The following SENP5 variants were observed in gnomAD, a reference collection of about 807,000 sequenced individuals.
The protein encoded by SENP5 is SUMO specific peptidase 5, also known as sentrin-specific protease 5.
In SENP5, 21 loss-of-function variants were observed where a neutral mutation model predicts 74.2. The ratio of observed to expected loss-of-function variants is 0.28; its 90% CI spans 0.20 to 0.41. SENP5 has a LOEUF of 0.41. Ranked by LOEUF, SENP5 falls within the 10% of genes least tolerant of loss-of-function variation. The pLI is 1.00. For missense variants in SENP5, 717 were observed against 889.1 expected (o/e 0.81, Z 2.46); for synonymous variants, 311 against 312.7 (o/e 0.99, Z 0.06).
chr3:196,893,799 A>C (rs1051690890), intron 2 of SENP5, among the ~76,000 whole-genome samples: 10 of 151,868 alleles, frequency 6.6e-5, no homozygotes, highest in Non-Finnish European at 1.2e-4. Context: ...AGTCCCAGCT[A>C]CTTGGGAGGC....
intron 1 of SENP5, among the ~76,000 whole-genome samples, chr3:196,882,723 C>T (rs1356647316): frequency 5.3e-5 from 8 of 152,128 alleles, no homozygotes; most frequent in Admixed American, 3.9e-4. Flanking sequence ...AGGCTGGTCT[C>T]GAACTCCTGA....
chr3:196,888,351 G>T (rs1162081424), intron 2 of SENP5, among the ~76,000 whole-genome samples: 1 of 152,164 alleles, frequency 6.6e-6, no homozygotes, highest in Non-Finnish European at 1.5e-5. Flanking sequence ...GGGAGGCCGA[G>T]GTGGGCGGAT....
intron 1 of SENP5, among the ~76,000 whole-genome samples, chr3:196,880,930 C>T (rs931909629): frequency 2.7e-5 from 4 of 150,490 alleles, no homozygotes; most frequent in East Asian, 1.9e-4. Flanking sequence ...CATGAGCCAC[C>T]GCGCCTGGCC....
rs1713399670 is a variant in SENP5, at chr3:196,875,144, A to G, written c.-32+7071A>G. ...AGTCAGTATAACCTTCCCCTAATCG[A>G]TCTCCGTCTGTGTTTCGTATCAGTG... On this transcript the variant is annotated intron_variant, in intron 1 of 9. Transcript: ENST00000323460. Among the ~76,000 whole-genome samples the G allele has an allele frequency of 2.0e-5, 3 of 152,134 alleles. No individual in the cohort carries two copies. The South Asian group carries it at 6.2e-4, about 32-fold the overall frequency.
intron 6 of SENP5, chr3:196,914,586 A>AAAAAAAAAAAATATATATATAT: frequency 1.1e-3 from 38 of 33,472 alleles, no homozygotes; most frequent in South Asian, 1.7e-3. Context: ...AAAAAAAAAA[A>AAAAAAAAAAAATATATATATAT]ATATATATAT....
chr3:196,871,011 T>C (rs1713191646), intron 1 of SENP5, among the ~76,000 whole-genome samples: 1 of 151,172 alleles, frequency 6.6e-6, no homozygotes, highest in African/African-American at 2.4e-5. Context: ...GTACTGAAAA[T>C]ACAAAAAAAT....
rs758737203 is a variant in SENP5 at position 196,886,016 on chromosome 3, C to G, written c.835C>G (p.Arg279Gly). The G allele has an allele frequency of 6.2e-7, 1 of 1,614,136 alleles. No individual in the cohort carries two copies. The highest frequency in any genetic ancestry group is 8.5e-7 in the Non-Finnish European group (1 of 1,180,014). ...QKVTGDHQET[R>G]RENGEGGSCS... ...AGTCACTGGGGACCATCAAGAGACC[C>G]GTAGGGAGAACGGTGAGGGTGGCAG... The change falls in exon 2 of 10, where the codon CGT (arginine) becomes GGT (glycine). Residue 279 changes from arginine (R) to glycine (G), a missense_variant. Physicochemically the swap from Arg to Gly is moderately radical, Grantham distance 125. Around this residue, in one of 4 missense-constraint regions of SENP5, gnomAD observed 567 missense variants for 577.4 expected, o/e 0.98. Coordinates refer to ENST00000323460, the MANE Select transcript of SENP5 (RefSeq NM_152699.5).
chr3:196,925,845 A>G (rs1293721106), intron 7 of SENP5, among the ~76,000 whole-genome samples: 1 of 152,184 alleles, frequency 6.6e-6, no homozygotes, highest in Non-Finnish European at 1.5e-5. Context: ...CACATTTGCA[A>G]AAAGACCCTA....
At chr3:196,898,491 C>G (rs924149079) in intron 2 of SENP5, among the ~76,000 whole-genome samples, 6 of 150,674 alleles carry the variant, frequency 4.0e-5, no homozygotes, top group Admixed American at 1.3e-4. Context: ...TCCCAGCTAA[C>G]TATCCAAGCA....
rs752884473 is a variant in SENP5, at chr3:196,892,759, C to T, written c.1513+6065C>T. 1.9e-3 allele frequency among the ~76,000 whole-genome samples: 294 copies of T among 152,164 alleles called. 1 individual carries two copies. Among genetic ancestry groups the T allele is most frequent in the Middle Eastern group, 3.4e-3 (1 of 294 alleles). Reference sequence around the variant, plus strand: ...CCTGGTAACTACCGTTGATTCTCTACGTCTATGAGTTTGACTTTAGATTCC... The same window carrying T: ...CCTGGTAACTACCGTTGATTCTCTATGTCTATGAGTTTGACTTTAGATTCC... On this transcript the variant is annotated intron_variant, in intron 2 of 9. Coordinates refer to ENST00000323460, the MANE Select transcript of SENP5 (RefSeq NM_152699.5).
chr3:196,868,335 GC>G (rs899546782), intron 1 of SENP5, among the ~76,000 whole-genome samples: 11 of 152,324 alleles, frequency 7.2e-5, no homozygotes, highest in Admixed American at 6.5e-4. Flanking sequence ...GGAAGCTGGC[GC>G]CCCCCAGCTC....
At chr3:196,882,580 C>T (rs1713773266) in intron 1 of SENP5, among the ~76,000 whole-genome samples, 1 of 152,078 alleles carries the variant, frequency 6.6e-6, no homozygotes, top group Non-Finnish European at 1.5e-5. Flanking sequence ...CTCAGTTCAC[C>T]ACAACCTCTG....
intron 6 of SENP5, among the ~76,000 whole-genome samples, chr3:196,920,309 A>T (rs902926391): frequency 2.6e-5 from 4 of 152,216 alleles, no homozygotes; most frequent in African/African-American, 9.6e-5. Context: ...ATGTTTCTGA[A>T]TTGGCTATGA....
chr3:196,891,402 A>G (rs1714194012), intron 2 of SENP5, among the ~76,000 whole-genome samples: 1 of 152,188 alleles, frequency 6.6e-6, no homozygotes, highest in Non-Finnish European at 1.5e-5. Context: ...ATTAAAAAAC[A>G]GTGAATTGTG....
chr3:196,871,504 T>G (rs1187082418), intron 1 of SENP5, among the ~76,000 whole-genome samples: 1 of 152,210 alleles, frequency 6.6e-6, no homozygotes, highest in African/African-American at 2.4e-5. Context: ...TGAGGCAGTC[T>G]TCTGACTCTG....
chr3:196,914,576 A>ATATATATATAT (rs1449375512), intron 6 of SENP5: 1 of 75,452 alleles, frequency 1.3e-5, no homozygotes, highest in Admixed American at 1.2e-4. Context: ...AAAAAAAAAA[A>ATATATATATAT]AAAAAAAAAA....
intron 2 of SENP5, among the ~76,000 whole-genome samples, chr3:196,890,562 T>C (rs1164591062): frequency 1.3e-5 from 2 of 151,172 alleles, no homozygotes; most frequent in African/African-American, 2.4e-5. Context: ...TGCAAAAAAA[T>C]GAATGCTGAT....
chr3:196,873,790 G>A (rs1158711250), intron 1 of SENP5, among the ~76,000 whole-genome samples: 1 of 152,146 alleles, frequency 6.6e-6, no homozygotes, highest in African/African-American at 2.4e-5. Flanking sequence ...AGTGAGCTGA[G>A]ATGTGCCACT....
At chr3:196,914,764 C>G (rs1241526961) in intron 6 of SENP5, among the ~76,000 whole-genome samples, 1 of 151,370 alleles carries the variant, frequency 6.6e-6, no homozygotes, top group Non-Finnish European at 1.5e-5. Flanking sequence ...CAACAAAATA[C>G]CTTCATAAGA....
Sources: allele counts gnomAD v4.1 joint callset (sites outside exome capture counted in the v4.1 genomes callset), GRCh38; gene constraint gnomAD v4.1.1; regional missense constraint gnomAD v4.1.1; transcripts MANE v1.5; gene names NCBI Gene and HGNC (gene_info 2026-07-23, HGNC 2026-07-21).